Variants in CNTROB observed in about 807,000 individuals in gnomAD.
CNTROB encodes centrobin, centriole duplication and spindle assembly protein.
Under a neutral mutation model 115.7 loss-of-function variants are expected in CNTROB, and 82 were observed. The observed-to-expected ratio is 0.71, with a 90% CI of 0.59 to 0.85. The LOEUF (loss-of-function observed/expected upper bound fraction) is 0.85. CNTROB is among the 40% of genes least tolerant of loss of function. CNTROB has a pLI of 0.00. For missense variants in CNTROB, 1,014 were observed against 1,144.4 expected, an observed-to-expected ratio of 0.89 and a Z score of 1.64; for synonymous variants, 439 against 456.4, an observed-to-expected ratio of 0.96 and a Z score of 0.49.
chr17:7,939,569 T>C lies in CNTROB; in HGVS notation c.984T>C (p.Cys328=). 6.2e-7 allele frequency: 1 copy of C among 1,614,098 alleles called. No homozygotes were observed. Among genetic ancestry groups the C allele is most frequent in the Non-Finnish European group, 8.5e-7 (1 of 1,180,024 alleles). Residue 328 remains cysteine (C), a synonymous_variant, in exon 8 of 19, where the codon TGT becomes TGC. Coordinates refer to ENST00000563694, the MANE Select transcript of CNTROB (RefSeq NM_053051.5). This position sits in a 1 kb window ranked among gnomAD's most constrained non-coding sequence, Gnocchi z 4.4. ...TGGAGGCAGAACAGCAGCGGTGCTG[T>C]GTCCTGCAGGAAGAGCGGGATGCAG... ...LRLEAEQQRC[C]VLQEERDAAR...
In CNTROB at chr17:7,943,395, G is replaced by A. The variant is rs35421969; in HGVS notation, c.1316G>A (p.Arg439Gln). 5.0e-3 allele frequency: 8,000 copies of A among 1,612,458 alleles called. 248 individuals carry two copies. The African/African-American group carries it at 0.077, about 15-fold the overall frequency. Residue 439 changes from arginine to glutamine, a missense_variant, in exon 10 of 19, where the codon CGG becomes CAG. Transcript: ENST00000563694. The surrounding 1 kb of genome is among the most constrained non-coding windows in gnomAD (Gnocchi z 4.7). ...LQLEMSLVQA[R>Q]YESQRIQLES... ...TCCCACCTTCCTTCACTCCAGGCCCGGTATGAAAGCCAGCGGATCCAGCTG... is the reference window on the plus strand; with the variant it reads ...TCCCACCTTCCTTCACTCCAGGCCCAGTATGAAAGCCAGCGGATCCAGCTG...
At position 7,948,503 on chromosome 17, in the gene CNTROB, A is replaced by T; in HGVS notation, c.2397A>T (p.Thr799=). 6.2e-7 allele frequency: 1 copy of T among 1,614,046 alleles called. No homozygotes were observed. The highest frequency in any genetic ancestry group is 8.5e-7 in the Non-Finnish European group (1 of 1,179,998). Residue 799 remains threonine (T), a synonymous_variant, in exon 17 of 19, where the codon ACA becomes ACT. Coordinates refer to ENST00000563694, the MANE Select transcript of CNTROB (RefSeq NM_053051.5). This position sits in a 1 kb window ranked among gnomAD's most constrained non-coding sequence, Gnocchi z 4.4. The part of the protein sequence containing the change: ...GSPERGGDGL[T]FPRQLMEVSQ... The stretch of plus-strand genomic sequence containing the variant: ...GTCTGTCAGGTGGAGATGGGCTTAC[A>T]TTCCCAAGGCAGCTGATGGAGGTGT...
rs759292569 is a variant in CNTROB, at chr17:7,947,709, A to AT, written c.2138dup (p.Leu713PhefsTer13). ...CCTGCTCAGCTGGAGGGCCTCAAGA[A>AT]TTTTTTGCACCAGGTAAGAGAGATT... On this transcript the variant is annotated frameshift_variant, in exon 14 of 19. Coordinates refer to ENST00000563694, the MANE Select transcript of CNTROB (RefSeq NM_053051.5). LOFTEE classifies it high-confidence loss of function. 1.2e-6 allele frequency: 2 copies of AT among 1,611,162 alleles called. No individual in the cohort carries two copies. Among genetic ancestry groups the AT allele is most frequent in the Non-Finnish European group, 1.7e-6 (2 of 1,177,980 alleles).
rs976266306 is a variant in CNTROB, at chr17:7,948,291, C to T, written c.2344C>T (p.Gln782Ter). 1 of 1,614,034 alleles carries T rather than the reference C, an allele frequency of 6.2e-7. No homozygotes were observed. The highest frequency in any genetic ancestry group is 1.1e-5 in the South Asian group (1 of 91,086). Reference protein sequence around the residue: ...RVPEPPSSHSQGSGPSSGSPE... With the variant: ...RVPEPPSSHS Reference sequence around the variant, plus strand: ...CCCTGAGCCTCCCTCCTCCCATTCACAAGGCAGTGGTCCCAGCAGTGGTTC... The same window carrying T: ...CCCTGAGCCTCCCTCCTCCCATTCATAAGGCAGTGGTCCCAGCAGTGGTTC... Residue 782 changes from glutamine to a stop codon, truncating the protein, a stop_gained, in exon 16 of 19, where the codon CAA becomes TAA. Coordinates refer to ENST00000563694, the MANE Select transcript of CNTROB (RefSeq NM_053051.5). LOFTEE classifies it high-confidence loss of function. This position sits in a 1 kb window ranked among gnomAD's most constrained non-coding sequence, Gnocchi z 4.4.
chr17:7,946,898 C>T (rs1054745864), intron 13 of CNTROB, among the ~76,000 whole-genome samples: 9 of 151,836 alleles, frequency 5.9e-5, no homozygotes, highest in Non-Finnish European at 8.8e-5. Flanking sequence ...TTACAGCTCA[C>T]GCCTGTAATC....
chr17:7,934,320 G>C (rs1972886782), intron 2 of CNTROB, 98 bp downstream of exon 2: 2 of 1,370,424 alleles, frequency 1.5e-6, no homozygotes, highest in Admixed American at 3.4e-5. Context: ...CTCTGAGCAA[G>C]AGATTTCAGG....
chr17:7,932,971 G>A lies in CNTROB; in HGVS notation c.-109G>A. 8.3e-7 allele frequency: 1 copy of A among 1,211,580 alleles called. No homozygotes were observed. The highest frequency in any genetic ancestry group is 1.2e-6 in the Non-Finnish European group (1 of 864,384). The allele number at this position is 1,211,580 out of a possible 1,614,324, so 75.1% of individuals were successfully genotyped here. On this transcript the variant is annotated 5_prime_UTR_variant, in exon 1 of 19. Coordinates refer to ENST00000563694, the MANE Select transcript of CNTROB (RefSeq NM_053051.5). ...ATTCACCAAGGATCCTTGGCGTGGA[G>A]TCTTCCTCCCTTCTCCCAAGTCTTT...
chr17:7,941,039 T>A (rs1973792226), intron 9 of CNTROB, among the ~76,000 whole-genome samples: 1 of 152,168 alleles, frequency 6.6e-6, no homozygotes, highest in African/African-American at 2.4e-5. Flanking sequence ...AGTTCGCCGA[T>A]CTCCAGAATA....
chr17:7,947,385 C>G (rs188223506), intron 13 of CNTROB, among the ~76,000 whole-genome samples, 186 bp from the exon 14 acceptor site: 34 of 152,290 alleles, frequency 2.2e-4, no homozygotes, highest in Admixed American at 7.9e-4. Flanking sequence ...TGTGCCATCT[C>G]TCAGTCACCT....
intron 13 of CNTROB, 143 bp downstream of exon 13, chr17:7,946,129 G>A: frequency 1.4e-6 from 1 of 718,754 alleles, no homozygotes; most frequent in Non-Finnish European, 2.4e-6. Flanking sequence ...GCAGAAATCT[G>A]CTCACATTGG....
rs755620665 is a variant in CNTROB, at chr17:7,947,920, T to A, written c.2150T>A (p.Leu717Gln). Reference protein sequence around the residue: ...EGLKNFLHQLLETVPQNNENP... With the variant: ...EGLKNFLHQLQETVPQNNENP... Reference sequence around the variant, plus strand: ...GACAATCTTATTCACCCACAGTTGCTGGAGACAGTGCCCCAGAACAATGAG... The same window carrying A: ...GACAATCTTATTCACCCACAGTTGCAGGAGACAGTGCCCCAGAACAATGAG... The change falls in exon 15 of 19, where the codon CTG becomes CAG. Residue 717 changes from leucine (L) to glutamine (Q), a missense_variant. Coordinates refer to ENST00000563694, the MANE Select transcript of CNTROB (RefSeq NM_053051.5). 6.2e-7 allele frequency: 1 copy of A among 1,614,092 alleles called. No individual in the cohort carries two copies. The highest frequency in any genetic ancestry group is 1.6e-4 in the Middle Eastern group (1 of 6,062).
Position 7,936,438 on chromosome 17 carries a change from G to A in CNTROB, c.667G>A (p.Ala223Thr). The change falls in exon 5 of 19, where the codon GCT becomes ACT. Residue 223 changes from alanine (A) to threonine (T), a missense_variant. Physicochemically the swap from Ala to Thr is moderately conservative, Grantham distance 58. Coordinates refer to ENST00000563694, the MANE Select transcript of CNTROB (RefSeq NM_053051.5). ...ACAGCAACAATTAGCCGTGGCTGTG[G>A]CTGCCGACCGCAAGAAAGATACCAT... ...ELQQQLAVAVAADRKKDTMIE... is the reference protein window; with the variant it reads ...ELQQQLAVAVTADRKKDTMIE... 6.4e-7 allele frequency: 1 copy of A among 1,561,906 alleles called. No individual in the cohort carries two copies. Among genetic ancestry groups the A allele is most frequent in the Non-Finnish European group, 8.8e-7 (1 of 1,132,452 alleles).
chr17:7,941,659 C>T (rs149241841), intron 9 of CNTROB, among the ~76,000 whole-genome samples: 10 of 148,280 alleles, frequency 6.7e-5, no homozygotes, highest in Admixed American at 4.1e-4. Flanking sequence ...AGATCACATG[C>T]GATAAAGACT....
intron 13 of CNTROB, among the ~76,000 whole-genome samples, chr17:7,947,040 A>G (rs1431468129): frequency 6.6e-6 from 1 of 151,962 alleles, no homozygotes; most frequent in African/African-American, 2.4e-5. Flanking sequence ...AGGCATCTGT[A>G]GTCCCAGCTA....
At chr17:7,949,326 G>C (rs1974935625) in intron 18 of CNTROB, 59 bp from the exon 19 acceptor site, 1 of 1,605,672 alleles carries the variant, frequency 6.2e-7, no homozygotes, top group South Asian at 1.1e-5. Flanking sequence ...TCCTCAGTGG[G>C]GTGGGGAATT....
In CNTROB at chr17:7,939,578, G is replaced by A; in HGVS notation, c.993G>A (p.Gln331=). Reference sequence around the variant, plus strand: ...AACAGCAGCGGTGCTGTGTCCTGCAGGAAGAGCGGGATGCAGCTCGGGCTG... The same window carrying A: ...AACAGCAGCGGTGCTGTGTCCTGCAAGAAGAGCGGGATGCAGCTCGGGCTG... ...EAEQQRCCVL[Q]EERDAARAGQ... The change falls in exon 8 of 19, where the codon CAG becomes CAA. Residue 331 remains glutamine (Q), a synonymous_variant. Transcript: ENST00000563694. This position sits in a 1 kb window ranked among gnomAD's most constrained non-coding sequence, Gnocchi z 4.4. 1 of 1,614,178 alleles carries A rather than the reference G, an allele frequency of 6.2e-7. No homozygotes were observed. The highest frequency in any genetic ancestry group is 1.6e-4 in the Middle Eastern group (1 of 6,062).
Position 7,948,918 on chromosome 17 carries a change from G to A in CNTROB, c.2514-167G>A, listed in dbSNP as rs1359988444. ...AATCCTAGACTTTTGACTAGCTAGT[G>A]TAACTCGTTATTTACTTCCACTAAT... is the stretch of plus-strand genomic sequence containing the variant. On this transcript the variant is annotated intron_variant, in intron 17 of 18. Coordinates refer to ENST00000563694, the MANE Select transcript of CNTROB (RefSeq NM_053051.5). This position sits in a 1 kb window ranked among gnomAD's most constrained non-coding sequence, Gnocchi z 4.4. 1.3e-6 allele frequency: 2 copies of A among 1,495,232 alleles called. No homozygotes were observed. The highest frequency in any genetic ancestry group is 1.8e-6 in the Non-Finnish European group (2 of 1,120,382). 92.6% of individuals were successfully genotyped at this position (1,495,232 alleles called of 1,614,324 possible).
At position 7,933,345 on chromosome 17, in the gene CNTROB, A is replaced by AAAAGGT; in HGVS notation, c.267_270+2dup. 6.2e-7 allele frequency: 1 copy of AAAAGGT among 1,612,292 alleles called. No individual in the cohort carries two copies. The highest frequency in any genetic ancestry group is 2.2e-5 in the East Asian group (1 of 44,846). ...GTCGGATTGGAAAAGAACTTGAAGA[A>AAAAGGT]AAAGGTGAGGGAAGTGTGTCTTGGA... On this transcript the variant is annotated inframe_insertion, in exon 1 of 19. Coordinates refer to ENST00000563694, the MANE Select transcript of CNTROB (RefSeq NM_053051.5).
intron 13 of CNTROB, among the ~76,000 whole-genome samples, chr17:7,946,251 C>T (rs1974522921): frequency 6.6e-6 from 1 of 152,188 alleles, no homozygotes; most frequent in African/African-American, 2.4e-5. Flanking sequence ...TGGCCCTTTT[C>T]TGTGGGCCTG....
Sources: allele counts gnomAD v4.1 joint callset (sites outside exome capture counted in the v4.1 genomes callset), GRCh38; gene constraint gnomAD v4.1.1; non-coding constraint Gnocchi (gnomAD v3.1); transcripts MANE v1.5; gene names NCBI Gene and HGNC (gene_info 2026-07-23, HGNC 2026-07-21).